Variants in PDE4D observed in about 807,000 individuals in gnomAD.
The protein encoded by PDE4D is phosphodiesterase 4D.
In PDE4D, 24 loss-of-function variants were observed where a neutral mutation model predicts 87.4. The observed-to-expected ratio is 0.27, with a 90% confidence interval of 0.20 to 0.39. PDE4D has a LOEUF of 0.39. Ranked by LOEUF, PDE4D falls within the 10% of genes least tolerant of loss-of-function variation. PDE4D has a pLI of 1.00. For missense variants in PDE4D, 714 were observed against 1,041.0 expected (o/e 0.69, Z 4.32); for synonymous variants, 384 against 383.2 (o/e 1.00, Z -0.02).
At chr5:59,838,259 C>A (rs954018846) in intron 1 of PDE4D, among the ~76,000 whole-genome samples, 1 of 152,018 alleles carries the variant, frequency 6.6e-6, no homozygotes, top group African/African-American at 2.4e-5. Context: ...CTAAGCAGAA[C>A]CCTACAGTCA....
intron 5 of PDE4D, among the ~76,000 whole-genome samples, chr5:59,126,552 A>C (rs1280735624): frequency 6.6e-6 from 1 of 152,238 alleles, no homozygotes; most frequent in Admixed American, 6.5e-5. Context: ...CTTTTCAAAA[A>C]GAAACAGGTC....
At chr5:59,450,046 G>A (rs1457110) in intron 1 of PDE4D, among the ~76,000 whole-genome samples, 11,182 of 151,832 alleles carry the variant, frequency 0.074, 1,186 homozygotes, top group African/African-American at 0.23. Context: ...CACCACTTGG[G>A]TTATAATGCA....
At chr5:59,684,847 A>G (rs1412937220) in intron 1 of PDE4D, among the ~76,000 whole-genome samples, 1 of 152,184 alleles carries the variant, frequency 6.6e-6, no homozygotes, top group Non-Finnish European at 1.5e-5. Flanking sequence ...GGACTCCCAT[A>G]TGCCTTTGGC....
In PDE4D at chr5:60,195,342, T is replaced by C. The variant is rs185510450; in HGVS notation, c.-89-9655A>G. Among the ~76,000 whole-genome samples the C allele has an allele frequency of 8.1e-4, 123 of 151,808 alleles. 4 individuals carry two copies. Among genetic ancestry groups the C allele is most frequent in the Middle Eastern group, 3.4e-3 (1 of 294 alleles). On this transcript the variant is annotated intron_variant, in intron 1 of 16. Coordinates refer to the PDE4D transcript ENST00000502484. ...AACCTTGCCCTGGACTCTAAGTCCC[T>C]TGAGGTTAGAAAACATTTCATGTTT... is the stretch of plus-strand genomic sequence containing the variant.
intron 1 of PDE4D, chr5:60,521,735 AC>A (rs1448140867): frequency 1.3e-5 from 2 of 152,176 alleles, no homozygotes; most frequent in African/African-American, 4.8e-5. Context: ...GCCCTCCCTC[AC>A]CCCTTCACAC....
chr5:60,425,251 G>A (rs968533880), intron 1 of PDE4D, among the ~76,000 whole-genome samples: 55 of 152,296 alleles, frequency 3.6e-4, no homozygotes, highest in African/African-American at 1.3e-3. Flanking sequence ...ACAGAAGAAA[G>A]CTGGAAGCAT....
chr5:59,095,279 A>G (rs373541506), intron 5 of PDE4D, among the ~76,000 whole-genome samples: 23 of 151,226 alleles, frequency 1.5e-4, no homozygotes, highest in African/African-American at 5.4e-4. Context: ...GAAAATATTC[A>G]TTAACAATCT....
intron 1 of PDE4D, among the ~76,000 whole-genome samples, chr5:59,749,029 G>T (rs1397749856): frequency 5.3e-5 from 8 of 152,172 alleles, no homozygotes; most frequent in African/African-American, 1.9e-4. Flanking sequence ...CAGCTAAGCT[G>T]CTCCCTGATT....
intron 1 of PDE4D, among the ~76,000 whole-genome samples, chr5:59,814,003 G>A (rs1768681544): frequency 1.3e-5 from 2 of 152,202 alleles, no homozygotes; most frequent in Admixed American, 1.3e-4. Context: ...CTAAGTTAAT[G>A]TAAGAGATTC....
At chr5:60,135,032 T>C (rs1779919198) in intron 2 of PDE4D, among the ~76,000 whole-genome samples, 1 of 152,158 alleles carries the variant, frequency 6.6e-6, no homozygotes, top group Admixed American at 6.5e-5. Context: ...GAAAAACAAA[T>C]AAGACCTTGG....
At chr5:60,238,698 G>A (rs1225360634) in intron 1 of PDE4D, among the ~76,000 whole-genome samples, 1 of 151,678 alleles carries the variant, frequency 6.6e-6, no homozygotes, top group Non-Finnish European at 1.5e-5. Context: ...CCATTGGATT[G>A]AATTTTTAAA....
chr5:59,918,702 C>T (rs1561860198), intron 3 of PDE4D, among the ~76,000 whole-genome samples: 1 of 152,110 alleles, frequency 6.6e-6, no homozygotes, highest in Non-Finnish European at 1.5e-5. Flanking sequence ...TGATACGTAA[C>T]CTCTGATATA....
intron 2 of PDE4D, among the ~76,000 whole-genome samples, chr5:60,149,251 C>T (rs1781282387): frequency 6.6e-6 from 1 of 152,102 alleles, no homozygotes; most frequent in Non-Finnish European, 1.5e-5. Context: ...GTTCTGGAGG[C>T]TGTGAAGGCC....
chr5:59,004,526 T>A (rs9292188), intron 6 of PDE4D, among the ~76,000 whole-genome samples: 31,116 of 152,160 alleles, frequency 0.2, 3,639 homozygotes, highest in East Asian at 0.54. Flanking sequence ...TTTTTCCTGA[T>A]ATGATGAATG....
At chr5:59,185,337 A>G in intron 3 of PDE4D, 75 bp from the exon 4 acceptor site, 1 of 1,079,746 alleles carries the variant, frequency 9.3e-7, no homozygotes, top group South Asian at 1.4e-5. Context: ...GTTTGTTAAG[A>G]GAAAACTTGA....
At position 60,447,637 on chromosome 5, in the gene PDE4D, G is replaced by A. The variant is rs150791578; in HGVS notation, c.-90+40305C>T. On this transcript the variant is annotated intron_variant, in intron 1 of 16. Transcript: ENST00000502484. Reference sequence around the variant, plus strand: ...AAGGTCACAGATCTGCAGAGGAAACGTGCTATTTACCAATGGCGGGGAAGG... The same window carrying A: ...AAGGTCACAGATCTGCAGAGGAAACATGCTATTTACCAATGGCGGGGAAGG... Among the ~76,000 whole-genome samples, 6 of 152,160 alleles carry A rather than the reference G, an allele frequency of 3.9e-5. No individual in the cohort carries two copies. The East Asian group carries it at 5.8e-4, about 15-fold the overall frequency.
At chr5:59,346,997 G>A (rs1779718399) in intron 1 of PDE4D, among the ~76,000 whole-genome samples, 1 of 152,084 alleles carries the variant, frequency 6.6e-6, no homozygotes, top group South Asian at 2.1e-4. Flanking sequence ...GATGGCAGAA[G>A]GAGTTTTGTT....
intron 2 of PDE4D, among the ~76,000 whole-genome samples, chr5:60,170,837 A>G (rs138604497): frequency 6.6e-6 from 1 of 152,172 alleles, no homozygotes; most frequent in Non-Finnish European, 1.5e-5. Flanking sequence ...GATAATGGAA[A>G]TGATGAAACT....
At chr5:59,271,517 T>C (rs887846736) in intron 1 of PDE4D, among the ~76,000 whole-genome samples, 4 of 152,140 alleles carry the variant, frequency 2.6e-5, no homozygotes, top group Non-Finnish European at 5.9e-5. Flanking sequence ...GATTCTCAAT[T>C]ATAAAATTGG....
Sources: allele counts gnomAD v4.1 joint callset (sites outside exome capture counted in the v4.1 genomes callset), GRCh38; gene constraint gnomAD v4.1.1; transcripts MANE v1.5; gene names NCBI Gene and HGNC (gene_info 2026-07-23, HGNC 2026-07-21).